Variants in ZNF385D observed in about 807,000 individuals in gnomAD.
The protein encoded by ZNF385D is zinc finger protein 659.
ZNF385D carries 15 observed loss-of-function variants against 35.8 expected under a neutral mutation model. That is an observed-to-expected ratio of 0.42 (90% CI 0.28 to 0.64). ZNF385D has a LOEUF of 0.64. Among genes scored for constraint, ZNF385D ranks in the 30% least tolerant of loss-of-function variants. ZNF385D has a pLI of 0.23. For missense variants in ZNF385D, 474 were observed against 494.6 expected (o/e 0.96, Z 0.39); for synonymous variants, 212 against 186.8 (o/e 1.13, Z -1.10).
At chr3:21,898,240 T>C (rs1450892518) in intron 3 of ZNF385D, among the ~76,000 whole-genome samples, 4 of 152,176 alleles carry the variant, frequency 2.6e-5, no homozygotes, top group Non-Finnish European at 5.9e-5. Context: ...CATTTTATTA[T>C]CACCGAACAA....
At chr3:22,088,046 C>G (rs1489003786) in intron 3 of ZNF385D, among the ~76,000 whole-genome samples, 1 of 152,106 alleles carries the variant, frequency 6.6e-6, no homozygotes, top group East Asian at 1.9e-4. Flanking sequence ...GATTCAGCAG[C>G]TAGTATTGAA....
intron 3 of ZNF385D, among the ~76,000 whole-genome samples, chr3:21,875,173 A>G (rs1447783310): frequency 6.6e-6 from 1 of 152,094 alleles, no homozygotes; most frequent in Non-Finnish European, 1.5e-5. Flanking sequence ...GGTTTTCTAC[A>G]TATTAGACCA....
At chr3:21,624,734 A>C (rs533364830) in intron 2 of ZNF385D, among the ~76,000 whole-genome samples, 1 of 152,240 alleles carries the variant, frequency 6.6e-6, no homozygotes, top group East Asian at 1.9e-4. Flanking sequence ...CAGGCATTCC[A>C]GGAAAACGTT....
At chr3:21,873,782 G>T (rs1337416006) in intron 3 of ZNF385D, among the ~76,000 whole-genome samples, 1 of 152,020 alleles carries the variant, frequency 6.6e-6, no homozygotes. Context: ...CGTTTTCAAG[G>T]TCCATCTATG....
chr3:21,638,534 A>G (rs1465327839), intron 2 of ZNF385D, among the ~76,000 whole-genome samples: 1 of 152,132 alleles, frequency 6.6e-6, no homozygotes, highest in Non-Finnish European at 1.5e-5. Flanking sequence ...AGCAAAAGGA[A>G]CCAATGAGAA....
intron 3 of ZNF385D, among the ~76,000 whole-genome samples, chr3:22,085,120 G>C (rs1273659179): frequency 6.6e-6 from 1 of 152,192 alleles, no homozygotes; most frequent in African/African-American, 2.4e-5. Flanking sequence ...ACAAGAGAAA[G>C]CAGGAAAGAT....
At chr3:22,084,555 C>T (rs1463450411) in intron 3 of ZNF385D, among the ~76,000 whole-genome samples, 1 of 152,178 alleles carries the variant, frequency 6.6e-6, no homozygotes. Flanking sequence ...GCACCCAATA[C>T]AGGAGCACCC....
intron 2 of ZNF385D, among the ~76,000 whole-genome samples, chr3:22,367,239 C>T (rs761408014): frequency 3.2e-4 from 49 of 152,190 alleles, no homozygotes; most frequent in Non-Finnish European, 6.5e-4. Context: ...ATTTTCACTA[C>T]TTTATAGATG....
intron 3 of ZNF385D, among the ~76,000 whole-genome samples, chr3:21,853,593 G>A (rs1255867463): frequency 1.3e-5 from 2 of 149,900 alleles, no homozygotes; most frequent in African/African-American, 2.5e-5. Context: ...AAATGAAGTG[G>A]ACCCGAACAA....
chr3:22,078,111 G>T (rs1700557292), intron 3 of ZNF385D, among the ~76,000 whole-genome samples: 1 of 152,006 alleles, frequency 6.6e-6, no homozygotes, highest in Admixed American at 6.6e-5. Context: ...TCTCATGAAT[G>T]CTAAAAGCAT....
chr3:22,150,580 A>G (rs1329089294), intron 3 of ZNF385D, among the ~76,000 whole-genome samples: 2 of 152,136 alleles, frequency 1.3e-5, no homozygotes, highest in Non-Finnish European at 2.9e-5. Context: ...CACTAAAAAG[A>G]AGATAAATAT....
At chr3:21,958,415 A>C (rs9859355) in intron 3 of ZNF385D, among the ~76,000 whole-genome samples, 103,835 of 151,896 alleles carry the variant, frequency 0.68, 36,648 homozygotes, top group Non-Finnish European at 0.77. Flanking sequence ...AAATGGAAAT[A>C]ATAATATTTC....
chr3:21,468,733 G>T (rs946289766), intron 4 of ZNF385D, among the ~76,000 whole-genome samples: 1 of 152,044 alleles, frequency 6.6e-6, no homozygotes, highest in Non-Finnish European at 1.5e-5. Context: ...AGACCATCCT[G>T]GCCAACATGG....
At chr3:22,189,620 T>C (rs1227856290) in intron 2 of ZNF385D, among the ~76,000 whole-genome samples, 1 of 152,162 alleles carries the variant, frequency 6.6e-6, no homozygotes, top group Non-Finnish European at 1.5e-5. Context: ...ATCTAAAGTG[T>C]TAATAAATTC....
intron 4 of ZNF385D, among the ~76,000 whole-genome samples, chr3:21,497,607 G>T (rs531145162): frequency 5.9e-5 from 9 of 152,276 alleles, no homozygotes; most frequent in Admixed American, 5.9e-4. Flanking sequence ...CAATTTGGGA[G>T]GCTGAGGTGG....
chr3:22,048,725 C>G (rs1699162477), intron 3 of ZNF385D, among the ~76,000 whole-genome samples: 3 of 152,186 alleles, frequency 2.0e-5, no homozygotes, highest in African/African-American at 2.4e-5. Context: ...TTTAACTATT[C>G]TGGGTCTTTT....
intron 3 of ZNF385D, among the ~76,000 whole-genome samples, chr3:21,999,843 T>A (rs1277519976): frequency 6.6e-6 from 1 of 151,282 alleles, no homozygotes. Flanking sequence ...TGGGACACCA[T>A]AAAATGACCA....
intron 5 of ZNF385D, among the ~76,000 whole-genome samples, chr3:21,430,745 C>T (rs1477793792): frequency 6.6e-6 from 1 of 152,064 alleles, no homozygotes; most frequent in East Asian, 1.9e-4. Flanking sequence ...AAAACAAGGC[C>T]CTTCCTTAAG....
At chr3:22,333,903 A>C (rs1397536805) in intron 2 of ZNF385D, among the ~76,000 whole-genome samples, 1 of 152,130 alleles carries the variant, frequency 6.6e-6, no homozygotes, top group Non-Finnish European at 1.5e-5. Flanking sequence ...CTTATTCCCC[A>C]ATGTATTTAT....
Sources: allele counts gnomAD v4.1 joint callset (sites outside exome capture counted in the v4.1 genomes callset), GRCh38; gene constraint gnomAD v4.1.1; transcripts MANE v1.5; gene names NCBI Gene and HGNC (gene_info 2026-07-23, HGNC 2026-07-21).